ABTB3: variants seen among roughly 807,000 people sequenced by gnomAD.
The protein encoded by ABTB3 is ankyrin repeat and BTB domain containing 3, also known as ankyrin repeat- and BTB/POZ domain-containing protein 3.
At chr12:107,380,646 C>T in the ABTB3 span, among the ~76,000 whole-genome samples, 1 of 152,132 alleles carries the variant, frequency 6.6e-6, no homozygotes, top group African/African-American at 2.4e-5. Context: ...GGGGTGCCTG[C>T]TGAGTGTAAT....
At chr12:107,323,811 T>C in the ABTB3 span, among the ~76,000 whole-genome samples, 10 of 152,190 alleles carry the variant, frequency 6.6e-5, no homozygotes, top group African/African-American at 2.2e-4. Context: ...TCTCCTTCCA[T>C]ATCACTCAGC....
the ABTB3 span, among the ~76,000 whole-genome samples, chr12:107,323,731 T>C: frequency 6.6e-6 from 1 of 152,102 alleles, no homozygotes; most frequent in Admixed American, 6.5e-5. Flanking sequence ...CAAGAATGAG[T>C]TGGTCTTCCT....
At chr12:107,617,510 A>C in the ABTB3 span, 1 of 1,564,938 alleles carries the variant, frequency 6.4e-7, no homozygotes, top group Non-Finnish European at 8.7e-7. Context: ...GGCCTACCCC[A>C]GACCCATTGT....
At chr12:107,464,378 A>G in the ABTB3 span, among the ~76,000 whole-genome samples, 4 of 151,982 alleles carry the variant, frequency 2.6e-5, no homozygotes, top group African/African-American at 4.8e-5. Context: ...TGGTACAATC[A>G]TAGCTCACTG....
chr12:107,594,545 T>C, the ABTB3 span, among the ~76,000 whole-genome samples: 3 of 152,324 alleles, frequency 2.0e-5, no homozygotes, highest in African/African-American at 7.2e-5. Context: ...TATCTTTCTT[T>C]CTTAGAAAGG....
the ABTB3 span, among the ~76,000 whole-genome samples, chr12:107,545,931 G>T: frequency 6.6e-6 from 1 of 152,142 alleles, no homozygotes; most frequent in African/African-American, 2.4e-5. Flanking sequence ...CCATGCAGAT[G>T]AGTCCGTCTC....
chr12:107,555,518 C>T, the ABTB3 span, among the ~76,000 whole-genome samples: 1 of 152,166 alleles, frequency 6.6e-6, no homozygotes, highest in Non-Finnish European at 1.5e-5. Flanking sequence ...AAACTGGCTG[C>T]CACATCAATC....
At chr12:107,583,122 T>C in the ABTB3 span, among the ~76,000 whole-genome samples, 1 of 152,100 alleles carries the variant, frequency 6.6e-6, no homozygotes, top group Admixed American at 6.5e-5. Context: ...CCATGAGTAA[T>C]GTGGAAATAT....
At chr12:107,609,221 G>A in the ABTB3 span, among the ~76,000 whole-genome samples, 1 of 152,214 alleles carries the variant, frequency 6.6e-6, no homozygotes, top group Non-Finnish European at 1.5e-5. Flanking sequence ...CCAAGGCAGG[G>A]ATGGTGACAT....
the ABTB3 span, among the ~76,000 whole-genome samples, chr12:107,416,218 A>G: frequency 3.9e-5 from 6 of 152,208 alleles, no homozygotes; most frequent in African/African-American, 1.4e-4. Flanking sequence ...GCTCTTCCAT[A>G]TTTCCTTCCA....
At chr12:107,580,215 TG>T in the ABTB3 span, among the ~76,000 whole-genome samples, 1 of 152,232 alleles carries the variant, frequency 6.6e-6, no homozygotes, top group African/African-American at 2.4e-5. Flanking sequence ...GAAAACTGCC[TG>T]TATCCAGCTG....
chr12:107,527,916 G>A, the ABTB3 span, among the ~76,000 whole-genome samples: 2 of 152,164 alleles, frequency 1.3e-5, no homozygotes, highest in South Asian at 2.1e-4. Flanking sequence ...TCTGTGCTGT[G>A]TGACTTAGGG....
the ABTB3 span, among the ~76,000 whole-genome samples, chr12:107,611,463 G>A: frequency 6.6e-6 from 1 of 152,206 alleles, no homozygotes; most frequent in African/African-American, 2.4e-5. Context: ...TTACAGGCAT[G>A]AGCCACTGGG....
chr12:107,520,508 G>A, the ABTB3 span: 2 of 1,614,182 alleles, frequency 1.2e-6, no homozygotes, highest in Non-Finnish European at 1.7e-6. Flanking sequence ...CTACCAGACA[G>A]CCTGAATCTT....
the ABTB3 span, among the ~76,000 whole-genome samples, chr12:107,424,032 C>A: frequency 2.1e-4 from 32 of 152,206 alleles, no homozygotes; most frequent in Non-Finnish European, 4.1e-4. Flanking sequence ...TCTTCCTACC[C>A]ACCATGGCAC....
At chr12:107,618,445 A>G in the ABTB3 span, 1 of 1,366,016 alleles carries the variant, frequency 7.3e-7, no homozygotes, top group South Asian at 1.3e-5. Flanking sequence ...ACACACATGA[A>G]CACGCACATG....
At chr12:107,544,759 T>C in the ABTB3 span, among the ~76,000 whole-genome samples, 1 of 152,298 alleles carries the variant, frequency 6.6e-6, no homozygotes, top group South Asian at 2.1e-4. Context: ...TACAGACTCA[T>C]TCACTCTGAG....
chr12:107,611,161 C>A, the ABTB3 span, among the ~76,000 whole-genome samples: 1 of 152,164 alleles, frequency 6.6e-6, no homozygotes, highest in Non-Finnish European at 1.5e-5. Context: ...TGATTTATTA[C>A]ACCTTGCCTT....
chr12:107,510,244 T>C, the ABTB3 span, among the ~76,000 whole-genome samples: 10 of 152,130 alleles, frequency 6.6e-5, no homozygotes, highest in Admixed American at 5.9e-4. Flanking sequence ...CTGGGGTCAC[T>C]TAACAGAAGA....
Sources: allele counts gnomAD v4.1 joint callset (sites outside exome capture counted in the v4.1 genomes callset), GRCh38; gene constraint gnomAD v4.1.1; transcripts MANE v1.5; gene names NCBI Gene and HGNC (gene_info 2026-07-23, HGNC 2026-07-21).